The following SCN7A variants were observed in gnomAD, a reference collection of about 807,000 sequenced individuals.
The protein encoded by SCN7A is sodium voltage-gated channel alpha subunit 7.
In SCN7A, 138 loss-of-function variants were observed where a neutral mutation model predicts 155.2. That is an observed-to-expected ratio of 0.89 (90% CI 0.77 to 1.02). The LOEUF is 1.02. Ranked by LOEUF, SCN7A falls within the 50% of genes least tolerant of loss-of-function variation. The pLI, the probability that SCN7A is intolerant of heterozygous loss-of-function variation, is 0.00. For synonymous variants in SCN7A, 693 were observed against 649.0 expected, an observed-to-expected ratio of 1.07 and a Z score of -1.03; for missense variants, 2,058 against 1,986.6, an observed-to-expected ratio of 1.04 and a Z score of -0.68.
At chr2:166,450,540 G>A (rs1028711888) in intron 11 of SCN7A, among the ~76,000 whole-genome samples, 25 of 152,126 alleles carry the variant, frequency 1.6e-4, no homozygotes, top group African/African-American at 4.8e-4. Context: ...GGTGGCTCAC[G>A]CCTGTAATCC....
At chr2:166,417,466 C>A (rs1433388370) in intron 20 of SCN7A, among the ~76,000 whole-genome samples, 1 of 151,990 alleles carries the variant, frequency 6.6e-6, no homozygotes, top group African/African-American at 2.4e-5. Context: ...GACCCAGACT[C>A]CATCCCCCCA....
At chr2:166,420,810 T>C (rs549972575) in intron 20 of SCN7A, among the ~76,000 whole-genome samples, 6 of 152,194 alleles carry the variant, frequency 3.9e-5, no homozygotes, top group African/African-American at 9.6e-5. Context: ...ACTTAGGGTA[T>C]ACAATGTTTG....
intron 5 of SCN7A, among the ~76,000 whole-genome samples, chr2:166,473,018 G>C (rs2105502308): frequency 6.6e-6 from 1 of 151,808 alleles, no homozygotes; most frequent in African/African-American, 2.4e-5. Context: ...GGGGCCTTTT[G>C]GAGGTTAGAG....
chr2:166,419,665 G>C (rs542720689), intron 20 of SCN7A, among the ~76,000 whole-genome samples: 2 of 151,930 alleles, frequency 1.3e-5, no homozygotes, highest in Non-Finnish European at 2.9e-5. Context: ...CCGTGCCTAG[G>C]CTGTTTTGTC....
chr2:166,487,627 A>T (rs1441911518), intron 1 of SCN7A, among the ~76,000 whole-genome samples: 3 of 152,232 alleles, frequency 2.0e-5, no homozygotes, highest in African/African-American at 7.2e-5. Flanking sequence ...ACTGGAGTTG[A>T]TCCTAGGGGA....
rs983005757 is a variant in SCN7A, at chr2:166,417,342, G to A, written c.3136-357C>T. On this transcript the variant is annotated intron_variant, in intron 20 of 25. Coordinates refer to ENST00000643258, the MANE Select transcript of SCN7A (RefSeq NM_002976.4). Reference sequence around the variant, plus strand: ...CAAAAAATTAGCCAGGTGTGGTGGCGGACACCTGTAGTCCCAACTACTCGG... The same window carrying A: ...CAAAAAATTAGCCAGGTGTGGTGGCAGACACCTGTAGTCCCAACTACTCGG... 4.0e-5 allele frequency among the ~76,000 whole-genome samples: 6 copies of A among 151,870 alleles called. No individual in the cohort carries two copies. The East Asian group carries it at 5.8e-4, about 15-fold the overall frequency.
At chr2:166,418,557 C>A (rs749866070) in intron 20 of SCN7A, among the ~76,000 whole-genome samples, 58 of 151,674 alleles carry the variant, frequency 3.8e-4, no homozygotes, top group Non-Finnish European at 7.5e-4. Flanking sequence ...GATACTAATC[C>A]TTTTGCCTGC....
chr2:166,472,435 G>C lies in SCN7A; in HGVS notation c.454C>G (p.Leu152Val), dbSNP rs1219736871. 6.2e-7 allele frequency: 1 copy of C among 1,600,078 alleles called. No homozygotes were observed. The highest frequency in any genetic ancestry group is 1.7e-5 in the Admixed American group (1 of 58,768). The change falls in exon 6 of 26, where the codon CTT becomes GTT. Residue 152 changes from leucine to valine, a missense_variant. Transcript: ENST00000643258. ...KWRPVLENTLLGIYTFEILVK... is the reference protein window; with the variant it reads ...KWRPVLENTLVGIYTFEILVK... ...AGTATTTCAAATGTGTAAATTCCAA[G>C]CAAAGTATTCCTGCAGAAATTTTTT...
chr2:166,460,406 A>C (rs1433733673), intron 10 of SCN7A, among the ~76,000 whole-genome samples: 1 of 151,930 alleles, frequency 6.6e-6, no homozygotes, highest in Admixed American at 6.6e-5. Flanking sequence ...GAAATCAAAA[A>C]AATTAAAATA....
At position 166,456,825 on chromosome 2, in the gene SCN7A, TATATAG is replaced by T. The variant is rs745938802; in HGVS notation, c.1290+39_1290+44del. 8.2e-4 allele frequency: 603 copies of T among 735,868 alleles called. 4 individuals carry two copies. The African/African-American group carries it at 9.0e-3, about 11-fold the overall frequency. 45.6% of individuals were successfully genotyped at this position (735,868 alleles called of 1,614,324 possible). A position where few individuals can be genotyped will look rare whatever the true frequency, so the allele number is the denominator to read the frequency against. On this transcript the variant is annotated intron_variant, in intron 11 of 25. Transcript: ENST00000643258. ...TAAAATATATATATATATATATATATATATAGATAGATAGATAGATAGATAGATAGA... is the reference window on the plus strand; with the variant it reads ...TAAAATATATATATATATATATATATATAGATAGATAGATAGATAGATAGA...
At chr2:166,413,732 T>G (rs1196837231) in intron 21 of SCN7A, among the ~76,000 whole-genome samples, 1 of 151,490 alleles carries the variant, frequency 6.6e-6, no homozygotes, top group East Asian at 2.0e-4. Flanking sequence ...TCTAATCAGC[T>G]GCCAGCAAAT....
chr2:166,441,145 A>G (rs1701950930), intron 15 of SCN7A: 6 of 437,812 alleles, frequency 1.4e-5, no homozygotes, highest in Non-Finnish European at 2.0e-5. Context: ...CATTCAATAT[A>G]AAAATTATTA....
intron 15 of SCN7A, among the ~76,000 whole-genome samples, chr2:166,436,006 T>C (rs909417438): frequency 1.3e-5 from 2 of 152,338 alleles, no homozygotes; most frequent in Admixed American, 6.5e-5. Flanking sequence ...AAATGATTTA[T>C]GTAATATATG....
At chr2:166,425,263 A>G (rs1382009051) in intron 18 of SCN7A, among the ~76,000 whole-genome samples, 1 of 152,098 alleles carries the variant, frequency 6.6e-6, no homozygotes, top group East Asian at 1.9e-4. Flanking sequence ...ATGCATAAAT[A>G]GAGACAACTC....
chr2:166,410,132 T>A (rs1209987095), intron 24 of SCN7A, 88 bp downstream of exon 24: 2 of 1,198,238 alleles, frequency 1.7e-6, no homozygotes, highest in East Asian at 5.2e-5. Context: ...ACACAAAAAT[T>A]TTGACAAAAA....
At chr2:166,410,547 T>C (rs1701179690) in intron 23 of SCN7A, among the ~76,000 whole-genome samples, 2 of 152,072 alleles carry the variant, frequency 1.3e-5, no homozygotes, top group Admixed American at 1.3e-4. Context: ...TTCAGTAATC[T>C]CTAAGTGCGC....
chr2:166,442,524 A>G (rs1394207789), intron 14 of SCN7A, among the ~76,000 whole-genome samples: 1 of 151,998 alleles, frequency 6.6e-6, no homozygotes, highest in Non-Finnish European at 1.5e-5. Context: ...AGTAGCTGAC[A>G]CTACAGACAT....
At chr2:166,432,265 A>G in intron 16 of SCN7A, 53 bp downstream of exon 16, 1 of 1,427,264 alleles carries the variant, frequency 7.0e-7, no homozygotes, top group Non-Finnish European at 9.5e-7. Context: ...TTACTTCCTT[A>G]TCAACAATAC....
intron 10 of SCN7A, among the ~76,000 whole-genome samples, chr2:166,460,768 G>C: frequency 6.6e-6 from 1 of 152,228 alleles, no homozygotes; most frequent in East Asian, 1.9e-4. Flanking sequence ...ATTAAACAGA[G>C]AGTATATATT....
Sources: allele counts gnomAD v4.1 joint callset (sites outside exome capture counted in the v4.1 genomes callset), GRCh38; gene constraint gnomAD v4.1.1; transcripts MANE v1.5; gene names NCBI Gene and HGNC (gene_info 2026-07-23, HGNC 2026-07-21).